Variants in SLA observed in about 807,000 individuals in gnomAD.
The protein encoded by SLA is src-like-adapter.
In SLA, 16 loss-of-function variants were observed where a neutral mutation model predicts 30.3. The observed-to-expected ratio is 0.53, with a 90% confidence interval of 0.36 to 0.80. SLA has a LOEUF of 0.80. SLA is among the 30% of genes least tolerant of loss of function. The pLI, the probability that SLA is intolerant of heterozygous loss-of-function variation, is 0.01. For synonymous variants in SLA, 143 were observed against 137.8 expected (o/e 1.04, Z -0.26); for missense variants, 310 against 345.2 (o/e 0.90, Z 0.81).
At chr8:133,097,404 G>A (rs901094983) in intron 1 of SLA, among the ~76,000 whole-genome samples, 2 of 152,132 alleles carry the variant, frequency 1.3e-5, no homozygotes, top group African/African-American at 4.8e-5. Flanking sequence ...GCAAAAAATT[G>A]GAAGCAACTC....
In SLA at chr8:133,040,220, C is replaced by T. The variant is rs570522948; in HGVS notation, c.485-90G>A. ...GCCTGAGACACTCTCCAGTGCAGCT[C>T]CCTGGCTGCTGCCATGGGGAACTGG... On this transcript the variant is annotated intron_variant, in intron 7 of 8. Transcript: ENST00000338087. The T allele has an allele frequency of 8.6e-6, 12 of 1,392,808 alleles. No homozygotes were observed. The Admixed American group carries it at 1.7e-4, about 20-fold the overall frequency. The allele number at this position is 1,392,808 out of a possible 1,614,324, so 86.3% of individuals were successfully genotyped here. A position where few individuals can be genotyped will look rare whatever the true frequency, so the allele number is the denominator to read the frequency against.
chr8:133,045,586 A>G (rs2741193), intron 6 of SLA, among the ~76,000 whole-genome samples: 107,417 of 151,658 alleles, frequency 0.71, 38,363 homozygotes, highest in East Asian at 0.77. Flanking sequence ...GTAGAGGTGC[A>G]GTGTTGCTAC....
intron 1 of SLA, among the ~76,000 whole-genome samples, chr8:133,094,145 G>A (rs983667104): frequency 3.3e-5 from 5 of 152,110 alleles, no homozygotes; most frequent in African/African-American, 7.2e-5. Flanking sequence ...CCTCCCAGGC[G>A]GATGACCCAA....
At chr8:133,067,801 AAAGAAAGAAAGG>A (rs1587970537) in intron 2 of SLA, among the ~76,000 whole-genome samples, 1 of 148,468 alleles carries the variant, frequency 6.7e-6, no homozygotes, top group Admixed American at 6.7e-5. Flanking sequence ...AAAAAGAAAG[AAAGAAAGAAAGG>A]AAGGAAGGAA....
At chr8:133,039,680 C>G (rs1442584938) in intron 8 of SLA, among the ~76,000 whole-genome samples, 1 of 152,090 alleles carries the variant, frequency 6.6e-6, no homozygotes, top group Non-Finnish European at 1.5e-5. Flanking sequence ...TTCTAGGATC[C>G]TAACAATTAG....
At chr8:133,051,508 C>A (rs1270648863) in intron 3 of SLA, among the ~76,000 whole-genome samples, 1 of 152,026 alleles carries the variant, frequency 6.6e-6, no homozygotes, top group Non-Finnish European at 1.5e-5. Flanking sequence ...TTATTTCTTG[C>A]AGAATATAAG....
chr8:133,051,638 A>T (rs1447106237), intron 3 of SLA, among the ~76,000 whole-genome samples: 1 of 152,158 alleles, frequency 6.6e-6, no homozygotes, highest in Admixed American at 6.6e-5. Context: ...TTTGAAAAGG[A>T]AAGAGGGCTG....
At chr8:133,079,625 C>T (rs1351012706) in intron 1 of SLA, among the ~76,000 whole-genome samples, 3 of 152,164 alleles carry the variant, frequency 2.0e-5, no homozygotes, top group Non-Finnish European at 2.9e-5. Flanking sequence ...CATGCTGGGT[C>T]AGAGTCACAG....
At chr8:133,040,799 G>A (rs754779889) in intron 7 of SLA, among the ~76,000 whole-genome samples, 4 of 152,080 alleles carry the variant, frequency 2.6e-5, no homozygotes, top group Non-Finnish European at 5.9e-5. Context: ...CAGGAAGGGA[G>A]GGAAGAGAAA....
chr8:133,043,862 G>C (rs1838788337), intron 7 of SLA, among the ~76,000 whole-genome samples: 2 of 152,180 alleles, frequency 1.3e-5, no homozygotes, highest in Non-Finnish European at 2.9e-5. Context: ...GAAGGGGGAA[G>C]ATGCTGTCAA....
rs10093995 is a variant in SLA, at chr8:133,040,440, C to T, written c.485-310G>A. The T allele has an allele frequency of 5.6e-3, 1,768 of 318,294 alleles. 20 individuals are homozygous for T. The highest frequency in any genetic ancestry group is 0.035 in the African/African-American group (1,655 of 47,846). 19.7% of individuals were successfully genotyped at this position (318,294 alleles called of 1,614,324 possible). A position where few individuals can be genotyped will look rare whatever the true frequency, so the allele number is the denominator to read the frequency against. On this transcript the variant is annotated intron_variant, in intron 7 of 8. Transcript: ENST00000338087. The stretch of plus-strand genomic sequence containing the variant: ...TACCCCGATAGTAAATTATCAAGAA[C>T]GTCTCTGAGCTTTCCTTTCTTCAAC...
intron 2 of SLA, chr8:133,063,637 C>T (rs1023319891): frequency 6.6e-6 from 1 of 152,196 alleles, no homozygotes; most frequent in Non-Finnish European, 1.5e-5. Flanking sequence ...TTCTTCTACG[C>T]TAACAGTCTT....
In SLA at chr8:133,038,174, A is replaced by C; in HGVS notation, c.*350T>G. The C allele has an allele frequency of 3.3e-6, 1 of 298,524 alleles. No homozygotes were observed. Among genetic ancestry groups the C allele is most frequent in the South Asian group, 3.5e-5 (1 of 28,526 alleles). 18.5% of individuals were successfully genotyped at this position (298,524 alleles called of 1,614,324 possible). A position where few individuals can be genotyped will look rare whatever the true frequency, so the allele number is the denominator to read the frequency against. On this transcript the variant is annotated 3_prime_UTR_variant, in exon 9 of 9. Coordinates refer to ENST00000338087, the MANE Select transcript of SLA (RefSeq NM_001045556.3). Reference sequence around the variant, plus strand: ...GACCTTGGAGTGTAACTGTCTGGACAGGTCCAGTTCCTTGGAGAGCAGTCC... The same window carrying C: ...GACCTTGGAGTGTAACTGTCTGGACCGGTCCAGTTCCTTGGAGAGCAGTCC...
chr8:133,036,879 T>G lies in SLA; in HGVS notation c.*1645A>C, dbSNP rs1308338983. 1 of 152,590 alleles carries G rather than the reference T, an allele frequency of 6.6e-6. No individual in the cohort carries two copies. The highest frequency in any genetic ancestry group is 1.5e-5 in the Non-Finnish European group (1 of 68,046). 9.5% of individuals were successfully genotyped at this position (152,590 alleles called of 1,614,324 possible). ...CAACGGAAAACAACACATAAGATAC[T>G]GTGCAGACATCTGGAGTTCAGGGGG... On this transcript the variant is annotated 3_prime_UTR_variant, in exon 9 of 9. Transcript: ENST00000338087.
intron 6 of SLA, among the ~76,000 whole-genome samples, chr8:133,045,755 TG>T (rs1407536534): frequency 1.3e-5 from 2 of 152,102 alleles, no homozygotes; most frequent in African/African-American, 2.4e-5. Context: ...TGAGGCCAAA[TG>T]GAATGATTGT....
At chr8:133,078,143 G>A (rs2131502487) in intron 1 of SLA, among the ~76,000 whole-genome samples, 1 of 152,314 alleles carries the variant, frequency 6.6e-6, no homozygotes, top group East Asian at 1.9e-4. Context: ...GGGTGGCTGT[G>A]TCACCCATCC....
rs769596915 is a variant in SLA at position 133,095,225 on chromosome 8, A to G, written c.-319+7328T>C. On this transcript the variant is annotated intron_variant, in intron 1 of 8. Coordinates refer to ENST00000338087, the MANE Select transcript of SLA (RefSeq NM_001045556.3). The stretch of plus-strand genomic sequence containing the variant: ...CAGACCAAGGTGAGCACTTAAGTGC[A>G]AGTTGGGAAGGGACATTCTCTGGTC... 18 of 1,614,100 alleles carry G rather than the reference A, an allele frequency of 1.1e-5. No homozygotes were observed. In the South Asian group the frequency reaches 2.0e-4, roughly 18 times the overall value.
intron 1 of SLA, chr8:133,096,435 A>G (rs1848425861): frequency 6.3e-7 from 1 of 1,593,684 alleles, no homozygotes. Flanking sequence ...TCTGGACCTC[A>G]ATGTCTGACT....
chr8:133,071,788 C>T (rs11990445), intron 2 of SLA, among the ~76,000 whole-genome samples: 5,757 of 152,186 alleles, frequency 0.038, 267 homozygotes, highest in African/African-American at 0.11. Context: ...GTTTCCTTCA[C>T]GGCACATACC....
Sources: allele counts gnomAD v4.1 joint callset (sites outside exome capture counted in the v4.1 genomes callset), GRCh38; gene constraint gnomAD v4.1.1; transcripts MANE v1.5; gene names NCBI Gene and HGNC (gene_info 2026-07-23, HGNC 2026-07-21).